Variants in PLPP1 observed in about 807,000 individuals in gnomAD.
PLPP1 encodes lipid phosphate phosphohydrolase 1a.
A neutral mutation model predicts 31.2 loss-of-function variants in PLPP1; 24 were observed. The ratio of observed to expected loss-of-function variants is 0.77; its 90% confidence interval spans 0.56 to 1.08. The LOEUF (loss-of-function observed/expected upper bound fraction) is 1.08, where lower values mean the gene tolerates loss of function less well. Among genes scored for constraint, PLPP1 ranks in the 50% least tolerant of loss-of-function variants. The pLI is 0.00. For synonymous variants in PLPP1, 146 were observed against 126.3 expected (o/e 1.16, Z -1.05); for missense variants, 319 against 342.7 (o/e 0.93, Z 0.55).
rs1158182340 is a variant in PLPP1, at chr5:55,511,650, G to GTTTTT, written c.58+22917_58+22921dup. ...ACTTTAGCGATTTAACACGTGTTGA[G>GTTTTT]TTTTTTTTTTTTTTTTTTTTTTTTT... On this transcript the variant is annotated intron_variant, in intron 1 of 5. Transcript: ENST00000307259. Among the ~76,000 whole-genome samples the GTTTTT allele has an allele frequency of 1.6e-3, 84 of 51,496 alleles. 22 individuals carry two copies. The highest frequency in any genetic ancestry group is 6.5e-3 in the African/African-American group (72 of 11,160). The allele number at this position is 51,496 out of a possible 152,430, so 33.8% of individuals were successfully genotyped here.
Position 55,424,906 on chromosome 5 carries a change from C to A in PLPP1, c.*300G>T. ...TATTATATTTAAATCAAACATCATTCATAGAAAGCATATTACATACATGTT... is the reference window on the plus strand; with the variant it reads ...TATTATATTTAAATCAAACATCATTAATAGAAAGCATATTACATACATGTT... On this transcript the variant is annotated 3_prime_UTR_variant, in exon 6 of 6. Transcript: ENST00000307259. The A allele has an allele frequency of 1.5e-6, 1 of 663,138 alleles. No individual in the cohort carries two copies. Among genetic ancestry groups the A allele is most frequent in the South Asian group, 2.1e-5 (1 of 48,512 alleles). 41.1% of individuals were successfully genotyped at this position (663,138 alleles called of 1,614,324 possible). A position where few individuals can be genotyped will look rare whatever the true frequency, so the allele number is the denominator to read the frequency against.
chr5:55,518,096 G>C (rs748505349), intron 1 of PLPP1, among the ~76,000 whole-genome samples: 4 of 152,136 alleles, frequency 2.6e-5, no homozygotes, highest in Non-Finnish European at 4.4e-5. Flanking sequence ...GCCTCCCAGA[G>C]TGCTGGGATT....
intron 1 of PLPP1, among the ~76,000 whole-genome samples, chr5:55,522,722 T>C (rs904817731): frequency 6.6e-6 from 1 of 151,264 alleles, no homozygotes; most frequent in African/African-American, 2.4e-5. Flanking sequence ...TTTTGTTTTG[T>C]TTTGTTTTGT....
chr5:55,515,418 G>A (rs924751349), intron 1 of PLPP1, among the ~76,000 whole-genome samples: 7 of 152,148 alleles, frequency 4.6e-5, no homozygotes, highest in Non-Finnish European at 1.0e-4. Flanking sequence ...TCTAAAGGAG[G>A]TTCATGTTGC....
At chr5:55,511,985 C>T (rs536614520) in intron 1 of PLPP1, among the ~76,000 whole-genome samples, 2 of 151,116 alleles carry the variant, frequency 1.3e-5, no homozygotes, top group African/African-American at 2.4e-5. Context: ...ATTAGCTGGG[C>T]GTGGTGGCAG....
intron 4 of PLPP1, among the ~76,000 whole-genome samples, chr5:55,437,005 G>T (rs188057194): frequency 1.4e-4 from 22 of 152,268 alleles, no homozygotes; most frequent in African/African-American, 5.1e-4. Flanking sequence ...CTTCCACTGT[G>T]TGAGGACATT....
At chr5:55,458,887 CAAAAAAAAA>C (rs529067608) in intron 3 of PLPP1, among the ~76,000 whole-genome samples, 9 of 21,110 alleles carry the variant, frequency 4.3e-4, no homozygotes, top group South Asian at 1.4e-3. Flanking sequence ...ACCCTGTCTC[CAAAAAAAAA>C]AAAAAAAAAA....
chr5:55,428,472 C>T (rs150274694), intron 4 of PLPP1, among the ~76,000 whole-genome samples: 1 of 152,366 alleles, frequency 6.6e-6, no homozygotes, highest in African/African-American at 2.4e-5. Context: ...TCCGGACTGG[C>T]TTTTCCCCTC....
At position 55,424,980 on chromosome 5, in the gene PLPP1, ACTGTTTTGGTGGAAGG is replaced by A. The variant is rs541479417; in HGVS notation, c.*210_*225del. 4.0e-4 allele frequency: 262 copies of A among 657,174 alleles called. 1 individual carries two copies. The South Asian group carries it at 5.5e-3, about 14-fold the overall frequency. 40.7% of individuals were successfully genotyped at this position (657,174 alleles called of 1,614,324 possible). A position where few individuals can be genotyped will look rare whatever the true frequency, so the allele number is the denominator to read the frequency against. The stretch of plus-strand genomic sequence containing the variant: ...TAATAAAAATGTATACAGGTGGGGC[ACTGTTTTGGTGGAAGG>A]CTTGGAGTTTTTTTAATGAGTTTAG... On this transcript the variant is annotated 3_prime_UTR_variant, in exon 6 of 6. Coordinates refer to ENST00000307259, the MANE Select transcript of PLPP1 (RefSeq NM_003711.4).
At chr5:55,473,982 TTTTG>T (rs1416301432) in intron 2 of PLPP1, among the ~76,000 whole-genome samples, 72 of 88,414 alleles carry the variant, frequency 8.1e-4, no homozygotes, top group African/African-American at 2.5e-3. Flanking sequence ...TTTCTGGTTT[TTTTG>T]TTTGTTTGTT....
In PLPP1 at chr5:55,425,855, ATACT is replaced by A; in HGVS notation, c.726+4_726+7del. 1 of 1,592,100 alleles carries A rather than the reference ATACT, an allele frequency of 6.3e-7. No homozygotes were observed. Among genetic ancestry groups the A allele is most frequent in the Non-Finnish European group, 8.5e-7 (1 of 1,171,680 alleles). ...ATCAAGATGTAGGCTGTTGACCTGTATACTTACAACTAATATTGCAACCAGAGCT... is the reference window on the plus strand; with the variant it reads ...ATCAAGATGTAGGCTGTTGACCTGTATACAACTAATATTGCAACCAGAGCT... On this transcript the variant is annotated splice_donor_5th_base_variant and intron_variant, in intron 5 of 5. Transcript: ENST00000307259.
At chr5:55,456,296 C>T (rs1044665966) in intron 3 of PLPP1, among the ~76,000 whole-genome samples, 3 of 152,008 alleles carry the variant, frequency 2.0e-5, no homozygotes, top group African/African-American at 7.3e-5. Flanking sequence ...AAGTGTGCTA[C>T]GTGCAAGAGA....
At chr5:55,459,440 CT>C (rs987581853) in intron 3 of PLPP1, among the ~76,000 whole-genome samples, 4 of 152,154 alleles carry the variant, frequency 2.6e-5, no homozygotes, top group African/African-American at 9.7e-5. Context: ...TATCAACCAA[CT>C]TGACCAAACT....
chr5:55,487,469 G>A (rs1752798727), intron 1 of PLPP1, among the ~76,000 whole-genome samples: 1 of 150,178 alleles, frequency 6.7e-6, no homozygotes, highest in African/African-American at 2.4e-5. Context: ...AAATAATGCA[G>A]AAATCTATAG....
intron 3 of PLPP1, among the ~76,000 whole-genome samples, chr5:55,464,235 C>CTTT (rs35680320): frequency 7.2e-6 from 1 of 139,250 alleles, no homozygotes. Flanking sequence ...TTCAGAACAT[C>CTTT]TTTTTTTTTT....
rs767231556 is a variant in PLPP1, at chr5:55,426,058, G to GA, written c.550-20dup. On this transcript the variant is annotated intron_variant, in intron 4 of 5. Transcript: ENST00000307259. ...GATAAAGCTAAAAGAAAAGAATAAA[G>GA]AAAAAAATAGTTTATTTAACATAAC... 6.4e-7 allele frequency: 1 copy of GA among 1,552,404 alleles called. No individual in the cohort carries two copies. Among genetic ancestry groups the GA allele is most frequent in the Non-Finnish European group, 8.7e-7 (1 of 1,155,122 alleles).
chr5:55,495,525 T>C (rs772566763), intron 1 of PLPP1, among the ~76,000 whole-genome samples: 2 of 152,010 alleles, frequency 1.3e-5, no homozygotes. Flanking sequence ...ATCTAATATA[T>C]CAAATGCTAA....
intron 1 of PLPP1, among the ~76,000 whole-genome samples, chr5:55,493,468 C>A (rs1752940063): frequency 6.6e-6 from 1 of 152,112 alleles, no homozygotes; most frequent in Non-Finnish European, 1.5e-5. Flanking sequence ...AGGACTCAGG[C>A]ATGGTGACTA....
chr5:55,425,426 C>A, intron 5 of PLPP1, 92 bp from the exon 6 acceptor site: 1 of 1,204,982 alleles, frequency 8.3e-7, no homozygotes, highest in East Asian at 2.4e-5. Flanking sequence ...TAAATATAAA[C>A]AAAAGGATAT....
Sources: allele counts gnomAD v4.1 joint callset (sites outside exome capture counted in the v4.1 genomes callset), GRCh38; gene constraint gnomAD v4.1.1; transcripts MANE v1.5; gene names NCBI Gene and HGNC (gene_info 2026-07-23, HGNC 2026-07-21).